ATP2B2: variants seen among roughly 807,000 people sequenced by gnomAD.
ATP2B2 encodes the protein plasma membrane calcium-transporting ATPase 2.
Under a neutral mutation model 120.0 loss-of-function variants are expected in ATP2B2, and 15 were observed. The ratio of observed to expected loss-of-function variants is 0.12; its 90% CI spans 0.08 to 0.19. The LOEUF is 0.19. ATP2B2 is among the 10% of genes least tolerant of loss of function. ATP2B2 has a pLI of 1.00. For synonymous variants in ATP2B2, 694 were observed against 700.3 expected, an observed-to-expected ratio of 0.99 and a Z score of 0.14; for missense variants, 1,045 against 1,719.8, an observed-to-expected ratio of 0.61 and a Z score of 6.94.
Position 10,350,219 on chromosome 3 carries a change from GGGGC to G in ATP2B2, c.2317-24_2317-21del. 6.3e-7 allele frequency: 1 copy of G among 1,599,544 alleles called. No individual in the cohort carries two copies. The highest frequency in any genetic ancestry group is 8.6e-7 in the Non-Finnish European group (1 of 1,168,176). The stretch of plus-strand genomic sequence containing the variant: ...CTCAATCTGGAGAGGGATGGGGAAG[GGGGC>G]GGGTCGGTGGGGTCGGGGAGAGAAA... On this transcript the variant is annotated intron_variant, in intron 15 of 22. Transcript: ENST00000360273.
intron 1 of ATP2B2, among the ~76,000 whole-genome samples, chr3:10,483,879 C>G (rs979121391): frequency 1.3e-5 from 2 of 152,184 alleles, no homozygotes; most frequent in Admixed American, 6.5e-5. Flanking sequence ...TTGGCGTCAG[C>G]CCCCGGCACA....
Position 10,540,871 on chromosome 3 carries a change from A to T in ATP2B2, c.-414-6738T>A, listed in dbSNP as rs186643657. Among the ~76,000 whole-genome samples the T allele has an allele frequency of 4.5e-3, 670 of 148,504 alleles. 9 individuals are homozygous for T. The highest frequency in any genetic ancestry group is 0.031 in the East Asian group (162 of 5,152). ...TACCCTAGAACTTAAAATATAATTA[A>T]AAAAAAAAACTACCTGGTCCTGGGG... On this transcript the variant is annotated intron_variant, in intron 2 of 21. Transcript: ENST00000646379.
chr3:10,390,476 G>GCC (rs2061813278), intron 5 of ATP2B2, among the ~76,000 whole-genome samples: 2 of 74,024 alleles, frequency 2.7e-5, no homozygotes, highest in African/African-American at 7.9e-5. Flanking sequence ...GTGTGTGCCT[G>GCC]TGTGTGTGTG....
chr3:10,465,928 A>T (rs2064719749), intron 1 of ATP2B2, among the ~76,000 whole-genome samples: 1 of 152,196 alleles, frequency 6.6e-6, no homozygotes, highest in South Asian at 2.1e-4. Flanking sequence ...GTACCGCAGG[A>T]AGAAGAGACA....
rs769045116 is a variant in ATP2B2, at chr3:10,385,318, C to A, written c.950G>T (p.Gly317Val). 6.2e-7 allele frequency: 1 copy of A among 1,613,770 alleles called. No homozygotes were observed. The highest frequency in any genetic ancestry group is 8.5e-7 in the Non-Finnish European group (1 of 1,179,968). ...ATCTGCAGCATTTGAAGCTGCCGCA[C>A]CGTCTGCTGCTGCAGGGGGGTGGGA... ...GDGLQLPAAD[G>V]AAASNAADSA... The change falls in exon 8 of 23, where the codon GGT (glycine) becomes GTT (valine). Residue 317 changes from glycine (G) to valine (V), a missense_variant. Around this residue, in one of 11 missense-constraint regions of ATP2B2, gnomAD observed 145 missense variants for 202.0 expected, o/e 0.72. Transcript: ENST00000360273.
At position 10,343,877 on chromosome 3, in the gene ATP2B2, C is replaced by G. The variant is rs1034438705; in HGVS notation, c.2704-912G>C. Among the ~76,000 whole-genome samples, 7 of 152,162 alleles carry G rather than the reference C, an allele frequency of 4.6e-5. No individual in the cohort carries two copies. Among genetic ancestry groups the G allele is most frequent in the African/African-American group, 1.7e-4 (7 of 41,420 alleles). ...TTCCTGCCTCAGCCCCATTCTCCTC[C>G]TCGTCCTGTGGCTTTAGTTACATCC... On this transcript the variant is annotated intron_variant, in intron 18 of 22. Transcript: ENST00000360273. The surrounding 1 kb of genome is among the most constrained non-coding windows in gnomAD (Gnocchi z 4.2).
chr3:10,390,498 TTGTGTGTG>T (rs61552990), intron 5 of ATP2B2, among the ~76,000 whole-genome samples: 7 of 148,262 alleles, frequency 4.7e-5, no homozygotes, highest in Non-Finnish European at 9.0e-5. Flanking sequence ...GTGCATGCTT[TTGTGTGTG>T]TGTGTGTGTG....
intron 2 of ATP2B2, among the ~76,000 whole-genome samples, chr3:10,550,288 G>T (rs2067640232): frequency 6.6e-6 from 1 of 152,164 alleles, no homozygotes; most frequent in Admixed American, 6.5e-5. Flanking sequence ...TAATGCAACA[G>T]AACAATTTCC....
intron 1 of ATP2B2, among the ~76,000 whole-genome samples, chr3:10,668,205 C>T (rs1256551045): frequency 6.6e-6 from 1 of 152,262 alleles, no homozygotes. Flanking sequence ...CTCCATGCTT[C>T]TGTGCATTTG....
At chr3:10,445,968 G>A (rs546805545) in intron 2 of ATP2B2, among the ~76,000 whole-genome samples, 17 of 152,288 alleles carry the variant, frequency 1.1e-4, no homozygotes, top group African/African-American at 3.4e-4. Flanking sequence ...GTGTCCCTTG[G>A]CCCCACCCTA....
At chr3:10,638,409 T>TA (rs1428678896) in intron 1 of ATP2B2, among the ~76,000 whole-genome samples, 1 of 152,108 alleles carries the variant, frequency 6.6e-6, no homozygotes, top group African/African-American at 2.4e-5. Context: ...TGTGAAGTGG[T>TA]ATAATATTAC....
intron 2 of ATP2B2, among the ~76,000 whole-genome samples, chr3:10,613,603 T>G (rs1169708253): frequency 6.6e-6 from 1 of 152,144 alleles, no homozygotes; most frequent in South Asian, 2.1e-4. Context: ...TCACCCCCAG[T>G]GTGAGACTAG....
chr3:10,523,852 A>T (rs889403518), intron 3 of ATP2B2, among the ~76,000 whole-genome samples: 5 of 152,026 alleles, frequency 3.3e-5, no homozygotes, highest in East Asian at 1.9e-4. Flanking sequence ...AGAAAAAAAA[A>T]AAAATAAAAG....
chr3:10,680,403 G>A (rs1017847876), intron 1 of ATP2B2, among the ~76,000 whole-genome samples: 30 of 151,974 alleles, frequency 2.0e-4, no homozygotes, highest in African/African-American at 6.3e-4. Flanking sequence ...CTGTGGGAGC[G>A]ACCTCTTTAT....
At chr3:10,461,898 G>T (rs373818139) in intron 1 of ATP2B2, among the ~76,000 whole-genome samples, 6 of 152,120 alleles carry the variant, frequency 3.9e-5, no homozygotes, top group African/African-American at 1.4e-4. Flanking sequence ...GACCCCCACT[G>T]GCAAACTCCA....
chr3:10,451,718 G>A (rs900410612), intron 1 of ATP2B2, among the ~76,000 whole-genome samples: 10 of 152,176 alleles, frequency 6.6e-5, no homozygotes, highest in African/African-American at 2.2e-4. Flanking sequence ...GAAACTGCAC[G>A]CTTGGTGCTC....
intron 2 of ATP2B2, among the ~76,000 whole-genome samples, chr3:10,601,786 T>A (rs1426500420): frequency 6.6e-6 from 1 of 152,182 alleles, no homozygotes; most frequent in East Asian, 1.9e-4. Context: ...ACCTTAGAAC[T>A]TGGGCAGGGC....
chr3:10,565,657 T>C (rs1026277572), intron 2 of ATP2B2, among the ~76,000 whole-genome samples: 2 of 152,188 alleles, frequency 1.3e-5, no homozygotes, highest in African/African-American at 4.8e-5. Flanking sequence ...GCATTCATAG[T>C]TGGTCTTCAA....
At chr3:10,377,648 G>T (rs1015824820) in intron 10 of ATP2B2, among the ~76,000 whole-genome samples, 2 of 152,234 alleles carry the variant, frequency 1.3e-5, no homozygotes, top group African/African-American at 4.8e-5. Flanking sequence ...CTCAGACCAT[G>T]GGTTTCTCCC....
Sources: allele counts gnomAD v4.1 joint callset (sites outside exome capture counted in the v4.1 genomes callset), GRCh38; gene constraint gnomAD v4.1.1; regional missense constraint gnomAD v4.1.1; non-coding constraint Gnocchi (gnomAD v3.1); transcripts MANE v1.5; gene names NCBI Gene and HGNC (gene_info 2026-07-23, HGNC 2026-07-21).